EYA1: variants seen among roughly 807,000 people sequenced by gnomAD.
The protein encoded by EYA1 is EYA transcriptional coactivator and phosphatase 1.
A neutral mutation model predicts 82.0 loss-of-function variants in EYA1; 16 were observed. The observed-to-expected ratio is 0.20, with a 90% confidence interval of 0.13 to 0.30. EYA1 has a LOEUF of 0.30. Among genes scored for constraint, EYA1 ranks in the 10% least tolerant of loss-of-function variants. The pLI is 1.00. For missense variants in EYA1, 633 were observed against 730.7 expected (o/e 0.87, Z 1.54); for synonymous variants, 261 against 264.4 (o/e 0.99, Z 0.12).
chr8:71,447,368 C>T (rs972360252), intron 2 of EYA1, among the ~76,000 whole-genome samples: 3 of 152,200 alleles, frequency 2.0e-5, no homozygotes, highest in Non-Finnish European at 2.9e-5. Flanking sequence ...GCCTTCTCCA[C>T]GTATGCTCCA....
At chr8:71,346,633 C>T (rs963309310) in intron 3 of EYA1, among the ~76,000 whole-genome samples, 1 of 151,822 alleles carries the variant, frequency 6.6e-6, no homozygotes, top group Admixed American at 6.6e-5. Context: ...AATATACTAA[C>T]AGTTGAAGTT....
At chr8:71,314,557 T>A (rs1821698749) in intron 7 of EYA1, among the ~76,000 whole-genome samples, 1 of 152,210 alleles carries the variant, frequency 6.6e-6, no homozygotes, top group Admixed American at 6.5e-5. Flanking sequence ...CATTATATAC[T>A]GGTTGAGCAT....
At chr8:71,214,198 C>G (rs1455537023) in intron 16 of EYA1, among the ~76,000 whole-genome samples, 2 of 152,074 alleles carry the variant, frequency 1.3e-5, no homozygotes, top group African/African-American at 2.4e-5. Context: ...ATACCCCTTC[C>G]CCTGGACTAA....
chr8:71,217,258 A>AT (rs1466776920), intron 12 of EYA1, among the ~76,000 whole-genome samples: 1 of 152,164 alleles, frequency 6.6e-6, no homozygotes, highest in East Asian at 1.9e-4. Flanking sequence ...CAGAAAACAC[A>AT]TTTTTGTGTT....
In EYA1 at chr8:71,334,168, GT is replaced by G. The variant is rs1824211840; in HGVS notation, c.130del (p.Thr44GlnfsTer4). ...SMTPNGTEVK[T>X]EPMSSSETAS... is the part of the protein sequence containing the mutation. ...TGTTTCACTGCTGCTCATTGGCTCT[GT>G]TTTAACTACAAAAATAAACAACATA... On this transcript the variant is annotated frameshift_variant, in exon 4 of 18. Coordinates refer to ENST00000340726, the MANE Select transcript of EYA1 (RefSeq NM_000503.6). LOFTEE classifies it high-confidence loss of function. 1 of 1,611,690 alleles carries G rather than the reference GT, an allele frequency of 6.2e-7. No individual in the cohort carries two copies. Among genetic ancestry groups the G allele is most frequent in the Non-Finnish European group, 8.5e-7 (1 of 1,177,986 alleles).
chr8:71,536,076 T>G (rs924023039), intron 1 of EYA1, among the ~76,000 whole-genome samples: 2 of 152,236 alleles, frequency 1.3e-5, no homozygotes. Flanking sequence ...TGTCAGCAGC[T>G]GCAGCCCAAG....
At chr8:71,354,015 T>C (rs1826584040) in intron 3 of EYA1, among the ~76,000 whole-genome samples, 2 of 152,178 alleles carry the variant, frequency 1.3e-5, no homozygotes. Flanking sequence ...GTTGAAGTTC[T>C]AAAAATATGC....
At chr8:71,277,124 T>TCC (rs1563383231) in intron 9 of EYA1, among the ~76,000 whole-genome samples, 1 of 115,302 alleles carries the variant, frequency 8.7e-6, no homozygotes, top group Non-Finnish European at 1.8e-5. Flanking sequence ...CATTTTTTTT[T>TCC]TTTTTTTTTT....
intron 9 of EYA1, among the ~76,000 whole-genome samples, chr8:71,296,961 T>C (rs544028241): frequency 1.3e-5 from 2 of 152,272 alleles, no homozygotes; most frequent in East Asian, 3.9e-4. Flanking sequence ...CATTTCTTTT[T>C]CAATGTGGAA....
At chr8:71,319,978 T>G (rs61008029) in intron 6 of EYA1, among the ~76,000 whole-genome samples, 3,609 of 152,230 alleles carry the variant, frequency 0.024, 140 homozygotes, top group African/African-American at 0.082. Context: ...CATGGAAAAC[T>G]CTGGAATCAA....
intron 2 of EYA1, among the ~76,000 whole-genome samples, chr8:71,485,210 A>G (rs1396707938): frequency 3.3e-5 from 5 of 152,384 alleles, no homozygotes; most frequent in East Asian, 3.8e-4. Flanking sequence ...TGTCATGATC[A>G]GATGTTTTCC....
rs1811885976 is a variant in EYA1, at chr8:71,502,570, C to A, written c.33+33174G>T. Among the ~76,000 whole-genome samples, 3 of 152,248 alleles carry A rather than the reference C, an allele frequency of 2.0e-5. No homozygotes were observed. The South Asian group carries it at 6.2e-4, about 32-fold the overall frequency. ...ATGCAATATTTGAGACACACTTTTA[C>A]CAAAAAATTTTATTTGTTGTTTCTC... On this transcript the variant is annotated intron_variant, in intron 2 of 18. Coordinates refer to the EYA1 transcript ENST00000643681.
intron 2 of EYA1, among the ~76,000 whole-genome samples, chr8:71,504,946 T>G (rs549340662): frequency 6.6e-6 from 1 of 152,190 alleles, no homozygotes; most frequent in African/African-American, 2.4e-5. Context: ...GGACTACAGG[T>G]GTGCGCCACC....
At chr8:71,269,979 T>C (rs1320199836) in intron 10 of EYA1, among the ~76,000 whole-genome samples, 156 bp from the exon 11 acceptor site, 1 of 152,222 alleles carries the variant, frequency 6.6e-6, no homozygotes, top group Non-Finnish European at 1.5e-5. Context: ...AAAGAGTATC[T>C]CCTAACTTTT....
intron 3 of EYA1, among the ~76,000 whole-genome samples, chr8:71,346,452 A>ATATATATATATATATC (rs1011248214): frequency 7.4e-6 from 1 of 134,650 alleles, no homozygotes; most frequent in African/African-American, 3.1e-5. Flanking sequence ...ATATATATAT[A>ATATATATATATATATC]TATCTATATA....
chr8:71,346,630 T>C lies in EYA1; in HGVS notation c.124+8152A>G, dbSNP rs375258051. ...AGTTGCTTTATCACTATTAATATAC[T>C]AACAGTTGAAGTTTCTATTTATGAA... On this transcript the variant is annotated intron_variant, in intron 3 of 17. Transcript: ENST00000340726. Among the ~76,000 whole-genome samples, 15 of 152,052 alleles carry C rather than the reference T, an allele frequency of 9.9e-5. No individual in the cohort carries two copies. The East Asian group carries it at 1.6e-3, about 16-fold the overall frequency.
chr8:71,248,494 C>T (rs749489148), intron 11 of EYA1, among the ~76,000 whole-genome samples: 2 of 152,210 alleles, frequency 1.3e-5, no homozygotes, highest in Non-Finnish European at 2.9e-5. Context: ...ACAGCCCTGT[C>T]TCAATCTACA....
rs948099043 is a variant in EYA1, at chr8:71,198,073, C to T, written c.*1267G>A. On this transcript the variant is annotated 3_prime_UTR_variant, in exon 18 of 18. Coordinates refer to ENST00000340726, the MANE Select transcript of EYA1 (RefSeq NM_000503.6). ...CAAAGTTTGCTGATTTCCGGATTAGCATCGTGTGTCTTCCTTTATCGAAAG... is the reference window on the plus strand; with the variant it reads ...CAAAGTTTGCTGATTTCCGGATTAGTATCGTGTGTCTTCCTTTATCGAAAG... The T allele has an allele frequency of 1.2e-4, 19 of 152,224 alleles. No individual in the cohort carries two copies. The highest frequency in any genetic ancestry group is 1.2e-3 in the Admixed American group (19 of 15,280). 9.4% of individuals were successfully genotyped at this position (152,224 alleles called of 1,614,324 possible). A position where few individuals can be genotyped will look rare whatever the true frequency, so the allele number is the denominator to read the frequency against.
At chr8:71,317,155 T>A (rs543904381) in intron 7 of EYA1, among the ~76,000 whole-genome samples, 14 of 152,320 alleles carry the variant, frequency 9.2e-5, no homozygotes, top group African/African-American at 3.4e-4. Flanking sequence ...AAATAAAGAA[T>A]ACAGCCCTTT....
Sources: gnomAD v4.1 joint callset for allele counts (sites outside exome capture counted in the v4.1 genomes callset) on GRCh38, gnomAD v4.1.1 for gene constraint, MANE v1.5 for transcripts, NCBI Gene and HGNC (gene_info 2026-07-23, HGNC 2026-07-21) for gene names.